Variants in PRKCB observed in about 807,000 individuals in gnomAD.
PRKCB encodes the protein protein kinase C beta.
In PRKCB, 13 loss-of-function variants were observed where a neutral mutation model predicts 81.5. The ratio of observed to expected loss-of-function variants is 0.16; its 90% CI spans 0.10 to 0.25. The LOEUF (loss-of-function observed/expected upper bound fraction) is 0.25. PRKCB is among the 10% of genes least tolerant of loss of function. PRKCB has a pLI of 1.00. For synonymous variants in PRKCB, 335 were observed against 321.4 expected, an observed-to-expected ratio of 1.04 and a Z score of -0.45; for missense variants, 509 against 875.7, an observed-to-expected ratio of 0.58 and a Z score of 5.29.
intron 2 of PRKCB, among the ~76,000 whole-genome samples, chr16:23,913,424 T>A (rs756812041): frequency 6.6e-6 from 1 of 152,098 alleles, no homozygotes; most frequent in Non-Finnish European, 1.5e-5. Context: ...GCAGTCAGTG[T>A]AGACATCATA....
At chr16:23,844,897 G>T (rs1397284519) in intron 2 of PRKCB, among the ~76,000 whole-genome samples, 1 of 151,334 alleles carries the variant, frequency 6.6e-6, no homozygotes, top group East Asian at 1.9e-4. Flanking sequence ...CGCCTCCCAG[G>T]TTCAAGTGAT....
intron 10 of PRKCB, among the ~76,000 whole-genome samples, chr16:24,164,349 T>C (rs1447787255): frequency 1.3e-5 from 2 of 152,200 alleles, no homozygotes; most frequent in East Asian, 1.9e-4. Flanking sequence ...TTTTGCATAA[T>C]GTAGTGACAG....
At chr16:24,108,812 TTC>T (rs1966616310) in intron 7 of PRKCB, among the ~76,000 whole-genome samples, 1 of 151,932 alleles carries the variant, frequency 6.6e-6, no homozygotes, top group South Asian at 2.1e-4. Context: ...TTTCCTGCCT[TTC>T]TATTCCACAA....
At chr16:24,071,721 A>G (rs1468086066) in intron 5 of PRKCB, among the ~76,000 whole-genome samples, 3 of 151,940 alleles carry the variant, frequency 2.0e-5, no homozygotes, top group Non-Finnish European at 2.9e-5. Flanking sequence ...GTCTCCTCCT[A>G]TGGAGGCAGG....
At chr16:23,874,568 CTTT>C (rs58560122) in intron 2 of PRKCB, among the ~76,000 whole-genome samples, 1 of 133,048 alleles carries the variant, frequency 7.5e-6, no homozygotes, top group Non-Finnish European at 1.6e-5. Context: ...ATTCTTCTCT[CTTT>C]TTTTTTTTTT....
chr16:23,991,917 T>G (rs142845169), intron 3 of PRKCB, among the ~76,000 whole-genome samples: 1,911 of 152,348 alleles, frequency 0.013, 18 homozygotes, highest in Non-Finnish European at 0.019. Flanking sequence ...GTGTGAATGT[T>G]TTGTTTCTCC....
chr16:23,961,079 A>ATTT (rs953432113), intron 2 of PRKCB, among the ~76,000 whole-genome samples: 1 of 145,676 alleles, frequency 6.9e-6, no homozygotes, highest in Non-Finnish European at 1.5e-5. Flanking sequence ...ATTTTTGCTT[A>ATTT]TTTTTTTTTT....
chr16:24,021,040 C>CTTTCTCTT (rs1256784385), intron 3 of PRKCB, among the ~76,000 whole-genome samples: 2 of 72,304 alleles, frequency 2.8e-5, no homozygotes, highest in Non-Finnish European at 6.4e-5. Flanking sequence ...TTCTTTCTTT[C>CTTTCTCTT]TCTTTCTTTC....
At chr16:24,169,957 A>G (rs1040183107) in intron 10 of PRKCB, among the ~76,000 whole-genome samples, 1 of 151,776 alleles carries the variant, frequency 6.6e-6, no homozygotes, top group African/African-American at 2.4e-5. Context: ...TTGTATTTAT[A>G]TTTTAGTAGA....
intron 3 of PRKCB, among the ~76,000 whole-genome samples, chr16:23,990,272 C>A (rs1405139580): frequency 1.3e-5 from 2 of 151,976 alleles, no homozygotes; most frequent in East Asian, 3.9e-4. Flanking sequence ...TCCTGGCTAA[C>A]ATGGTGAAAC....
At chr16:24,199,274 G>A (rs1967922176) in intron 16 of PRKCB, among the ~76,000 whole-genome samples, 1 of 152,184 alleles carries the variant, frequency 6.6e-6, no homozygotes, top group Non-Finnish European at 1.5e-5. Flanking sequence ...TTTATCATCT[G>A]AAAACATTGT....
At chr16:23,975,772 A>T (rs1430368998) in intron 2 of PRKCB, among the ~76,000 whole-genome samples, 1 of 152,228 alleles carries the variant, frequency 6.6e-6, no homozygotes, top group African/African-American at 2.4e-5. Flanking sequence ...ATAGGAACGT[A>T]CGAAGCACAA....
intron 3 of PRKCB, among the ~76,000 whole-genome samples, chr16:24,000,612 A>G (rs989529896): frequency 2.0e-5 from 3 of 152,226 alleles, no homozygotes; most frequent in African/African-American, 7.2e-5. Context: ...ACAAAAGACA[A>G]ATGAATTTCA....
intron 2 of PRKCB, among the ~76,000 whole-genome samples, chr16:23,970,143 A>T (rs1964538045): frequency 6.6e-6 from 1 of 152,218 alleles, no homozygotes. Context: ...AAAACGTGAC[A>T]AGAAGGCTGA....
intron 2 of PRKCB, among the ~76,000 whole-genome samples, chr16:23,862,480 T>C (rs1962686071): frequency 6.6e-6 from 1 of 152,222 alleles, no homozygotes; most frequent in Middle Eastern, 3.2e-3. Flanking sequence ...AAGTTTTAGC[T>C]GACAGCAGCT....
intron 2 of PRKCB, among the ~76,000 whole-genome samples, chr16:23,847,505 C>A (rs949731503): frequency 6.6e-6 from 1 of 150,728 alleles, no homozygotes. Flanking sequence ...TTCATTCATC[C>A]AAACATCCAC....
At chr16:24,061,153 C>T (rs907198122) in intron 5 of PRKCB, among the ~76,000 whole-genome samples, 6 of 152,048 alleles carry the variant, frequency 3.9e-5, no homozygotes, top group Admixed American at 1.3e-4. Context: ...CTCCGCCTCC[C>T]GAATTCAAGC....
At chr16:24,130,468 CA>C (rs1019523531) in intron 9 of PRKCB, among the ~76,000 whole-genome samples, 1 of 152,124 alleles carries the variant, frequency 6.6e-6, no homozygotes, top group African/African-American at 2.4e-5. Context: ...TCCTGGCCCC[CA>C]CCCCCAAAAT....
In PRKCB at chr16:24,143,531, G is replaced by A. The variant is rs557849308; in HGVS notation, c.1066-11153G>A. 2.6e-5 allele frequency among the ~76,000 whole-genome samples: 4 copies of A among 152,242 alleles called. No homozygotes were observed. The South Asian group carries it at 8.3e-4, about 32-fold the overall frequency. On this transcript the variant is annotated intron_variant, in intron 9 of 16. Coordinates refer to ENST00000643927, the MANE Select transcript of PRKCB (RefSeq NM_002738.7). ...ATCCACAAGCCTGCTCCCTAGCAGG[G>A]ATGGGAGAGGGAGCTAGGGAGGGAG...
Sources: gnomAD v4.1 joint callset for allele counts (sites outside exome capture counted in the v4.1 genomes callset) on GRCh38, gnomAD v4.1.1 for gene constraint, MANE v1.5 for transcripts, NCBI Gene and HGNC (gene_info 2026-07-23, HGNC 2026-07-21) for gene names.